Variants in ING2 observed in about 807,000 individuals in gnomAD.
ING2 encodes inhibitor of growth family member 2, also known as inhibitor of growth protein 2.
In ING2, 7 loss-of-function variants were observed where a neutral mutation model predicts 30.6. The ratio of observed to expected loss-of-function variants is 0.23; its 90% CI spans 0.13 to 0.43. The LOEUF is 0.43. Among genes scored for constraint, ING2 ranks in the 20% least tolerant of loss-of-function variants. The pLI is 1.00. For missense variants in ING2, 239 were observed against 334.9 expected (o/e 0.71, Z 2.24); for synonymous variants, 136 against 121.7 (o/e 1.12, Z -0.78).
At chr4:183,506,192 GTTCGGCCCCAGCGGAGTCCGAA>G in intron 1 of ING2, 2 of 1,299,040 alleles carry the variant, frequency 1.5e-6, no homozygotes, top group Middle Eastern at 2.1e-4. Flanking sequence ...GGGGGCGTTG[GTTCGGCCCCAGCGGAGTCCGAA>G]TCGGGGTTTG....
chr4:183,510,790 A>G lies in ING2; in HGVS notation c.681A>G (p.Gly227=). Reference sequence around the variant, plus strand: ...AAGTGTCTTATGGGGAGATGATAGGATGTGACAATGAACAGTGTCCAATTG... The same window carrying G: ...AAGTGTCTTATGGGGAGATGATAGGGTGTGACAATGAACAGTGTCCAATTG... ...CNQVSYGEMI[G]CDNEQCPIEW... Residue 227 remains glycine, a synonymous_variant, in exon 2 of 2, where the codon GGA becomes GGG. Coordinates refer to ENST00000302327, the MANE Select transcript of ING2 (RefSeq NM_001564.4). 6.2e-7 allele frequency: 1 copy of G among 1,614,246 alleles called. No homozygotes were observed. The highest frequency in any genetic ancestry group is 8.5e-7 in the Non-Finnish European group (1 of 1,180,040).
At chr4:183,508,562 G>A (rs951628743) in intron 1 of ING2, among the ~76,000 whole-genome samples, 4 of 152,168 alleles carry the variant, frequency 2.6e-5, no homozygotes, top group African/African-American at 9.7e-5. Context: ...TTAGACAGTT[G>A]TACATCAAGT....
intron 1 of ING2, among the ~76,000 whole-genome samples, chr4:183,507,853 A>G (rs1416452292): frequency 6.6e-6 from 1 of 152,196 alleles, no homozygotes; most frequent in Non-Finnish European, 1.5e-5. Flanking sequence ...ACTGCTGAAA[A>G]ACTTATAAAA....
At position 183,511,990 on chromosome 4, in the gene ING2, A is replaced by G. The variant is rs959901869; in HGVS notation, c.*1038A>G. On this transcript the variant is annotated 3_prime_UTR_variant, in exon 2 of 2. Coordinates refer to ENST00000302327, the MANE Select transcript of ING2 (RefSeq NM_001564.4). ...GTGCTGTTTGATGTTTTCACATTTA[A>G]TTAACTTATTTCATCATCATAATGC... 6.6e-6 allele frequency among the ~76,000 whole-genome samples: 1 copy of G among 152,186 alleles called. No homozygotes were observed. Among genetic ancestry groups the G allele is most frequent in the Non-Finnish European group, 1.5e-5 (1 of 68,028 alleles).
chr4:183,510,728 A>G lies in ING2; in HGVS notation c.619A>G (p.Ile207Val), dbSNP rs753014742. The G allele has an allele frequency of 2.5e-5, 41 of 1,614,144 alleles. No homozygotes were observed. In the Middle Eastern group the frequency reaches 6.6e-4, roughly 26 times the overall value. Residue 207 changes from isoleucine (I) to valine (V), a missense_variant, in exon 2 of 2, where the codon ATA becomes GTA. This residue lies in a region of ING2 where 22 missense variants were observed against 77.0 expected (regional missense o/e 0.29). Coordinates refer to ENST00000302327, the MANE Select transcript of ING2 (RefSeq NM_001564.4). ...EREASPVEFAIDPNEPTYCLC... is the reference protein window; with the variant it reads ...EREASPVEFAVDPNEPTYCLC... ...GGAAGCTTCACCTGTTGAGTTTGCA[A>G]TAGATCCTAATGAACCTACATACTG...
At position 183,510,906 on chromosome 4, in the gene ING2, T is replaced by C. The variant is rs1734807314; in HGVS notation, c.797T>C (p.Met266Thr). The C allele has an allele frequency of 6.2e-7, 1 of 1,607,640 alleles. No individual in the cohort carries two copies. Among genetic ancestry groups the C allele is most frequent in the Non-Finnish European group, 8.5e-7 (1 of 1,175,376 alleles). Residue 266 changes from methionine (M) to threonine (T), a missense_variant, in exon 2 of 2, where the codon ATG becomes ACG. Met to Thr is a moderately conservative substitution (Grantham distance 81, BLOSUM62 -1). This residue lies in a region of ING2 where 20 missense variants were observed against 17.3 expected (regional missense o/e 1.16). Coordinates refer to ENST00000302327, the MANE Select transcript of ING2 (RefSeq NM_001564.4). ...PKCRGDNEKT[M>T]DKSTEKTKKD... ...TGCAGGGGAGATAATGAGAAAACAATGGACAAAAGTACTGAAAAGACAAAA... is the reference window on the plus strand; with the variant it reads ...TGCAGGGGAGATAATGAGAAAACAACGGACAAAAGTACTGAAAAGACAAAA...
intron 1 of ING2, among the ~76,000 whole-genome samples, chr4:183,506,711 G>A (rs971336564): frequency 6.7e-6 from 1 of 150,106 alleles, no homozygotes; most frequent in African/African-American, 2.5e-5. Flanking sequence ...GGTGACATAA[G>A]TGTCTGATGT....
intron 1 of ING2, among the ~76,000 whole-genome samples, chr4:183,509,662 C>G (rs1425027585): frequency 6.6e-6 from 1 of 151,162 alleles, no homozygotes; most frequent in Admixed American, 6.6e-5. Context: ...GTCTCGATCT[C>G]CTGACCTCGT....
chr4:183,510,682 C>A lies in ING2; in HGVS notation c.573C>A (p.Arg191=). The stretch of plus-strand genomic sequence containing the variant: ...CCAAGTCAGCAAAGAAAAAGAAACG[C>A]TCCAAGGCCAAGCAGGAAAGGGAAG... ...KKSKSAKKKK[R]SKAKQEREAS... is the part of the protein sequence containing the mutation. The change falls in exon 2 of 2, where the codon CGC becomes CGA. Residue 191 remains arginine, a synonymous_variant. Coordinates refer to ENST00000302327, the MANE Select transcript of ING2 (RefSeq NM_001564.4). The A allele has an allele frequency of 6.2e-7, 1 of 1,614,180 alleles. No homozygotes were observed.
In ING2 at chr4:183,505,175, G is replaced by C; in HGVS notation, c.-21G>C. 1 of 1,588,616 alleles carries C rather than the reference G, an allele frequency of 6.3e-7. No individual in the cohort carries two copies. The highest frequency in any genetic ancestry group is 8.5e-7 in the Non-Finnish European group (1 of 1,169,988). On this transcript the variant is annotated 5_prime_UTR_variant, in exon 1 of 2. Transcript: ENST00000302327. Reference sequence around the variant, plus strand: ...GCGGCTGCTGGATGCGGAGGCGGCGGCGACGGCGCGGATCGGCAGGATGTT... The same window carrying C: ...GCGGCTGCTGGATGCGGAGGCGGCGCCGACGGCGCGGATCGGCAGGATGTT...
At chr4:183,506,668 T>C (rs1471018485) in intron 1 of ING2, among the ~76,000 whole-genome samples, 1 of 152,196 alleles carries the variant, frequency 6.6e-6, no homozygotes. Context: ...AGTAATCCTA[T>C]ACTTTAAAAG....
chr4:183,508,277 C>T (rs1269466851), intron 1 of ING2, among the ~76,000 whole-genome samples: 1 of 151,926 alleles, frequency 6.6e-6, no homozygotes, highest in African/African-American at 2.4e-5. Flanking sequence ...TATCAATGTG[C>T]TGGTATGATA....
intron 1 of ING2, among the ~76,000 whole-genome samples, chr4:183,507,968 T>C (rs1223916927): frequency 6.6e-6 from 1 of 152,166 alleles, no homozygotes; most frequent in East Asian, 1.9e-4. Flanking sequence ...CATAATTTCT[T>C]AGATAAATAA....
At chr4:183,506,063 T>A (rs1734636664) in intron 1 of ING2, 1 of 1,125,318 alleles carries the variant, frequency 8.9e-7, no homozygotes, top group Non-Finnish European at 1.1e-6. Flanking sequence ...GGGCGGGGCC[T>A]GCGGGCTTGA....
At chr4:183,509,734 CTTTTT>C (rs35064658) in intron 1 of ING2, among the ~76,000 whole-genome samples, 1 of 116,088 alleles carries the variant, frequency 8.6e-6, no homozygotes, top group Non-Finnish European at 1.7e-5. Flanking sequence ...CGCGCCTGGC[CTTTTT>C]TTTTTTTTTT....
intron 1 of ING2, chr4:183,506,395 C>G: frequency 9.9e-7 from 1 of 1,007,302 alleles, no homozygotes; most frequent in Non-Finnish European, 1.4e-6. Context: ...CCTGGCGTCC[C>G]CGAGCCCCTC....
chr4:183,505,746 G>T (rs1171427532), intron 1 of ING2, among the ~76,000 whole-genome samples: 1 of 152,088 alleles, frequency 6.6e-6, no homozygotes, highest in African/African-American at 2.4e-5. Context: ...TGAGCGGCCG[G>T]GCTCCCGCTG....
Position 183,505,172 on chromosome 4 carries a change from G to GCGGCGA in ING2, c.-18_-13dup, listed in dbSNP as rs1560968179. On this transcript the variant is annotated 5_prime_UTR_variant, in exon 1 of 2. Coordinates refer to ENST00000302327, the MANE Select transcript of ING2 (RefSeq NM_001564.4). ...TGTGCGGCTGCTGGATGCGGAGGCG[G>GCGGCGA]CGGCGACGGCGCGGATCGGCAGGAT... 6 of 1,587,550 alleles carry GCGGCGA rather than the reference G, an allele frequency of 3.8e-6. No individual in the cohort carries two copies. Among genetic ancestry groups the GCGGCGA allele is most frequent in the Middle Eastern group, 1.8e-4 (1 of 5,538 alleles).
rs1199925952 is a variant in ING2 at position 183,510,637 on chromosome 4, G to T, written c.528G>T (p.Gln176His). 6.2e-7 allele frequency: 1 copy of T among 1,614,114 alleles called. No individual in the cohort carries two copies. Among genetic ancestry groups the T allele is most frequent in the Non-Finnish European group, 8.5e-7 (1 of 1,179,998 alleles). The change falls in exon 2 of 2, where the codon CAG (glutamine) becomes CAT (histidine). Residue 176 changes from glutamine to histidine, a missense_variant. By Grantham distance (24) the Gln-to-His change is conservative. Around this residue, in one of 5 missense-constraint regions of ING2, gnomAD observed 115 missense variants for 120.1 expected, o/e 0.96. Coordinates refer to ENST00000302327, the MANE Select transcript of ING2 (RefSeq NM_001564.4). ...ATGGGATTGAAGACTGTGATGATCA[G>T]CCACCTAAAGAAAAGAAATCCAAGT... ...MANGIEDCDD[Q>H]PPKEKKSKSA...
Sources: gnomAD v4.1 joint callset for allele counts (sites outside exome capture counted in the v4.1 genomes callset) on GRCh38, gnomAD v4.1.1 for gene constraint, gnomAD v4.1.1 regional missense constraint, MANE v1.5 for transcripts, NCBI Gene and HGNC (gene_info 2026-07-23, HGNC 2026-07-21) for gene names.